The following GALNT13 variants were observed in gnomAD, a reference collection of about 807,000 sequenced individuals.
GALNT13 encodes polypeptide N-acetylgalactosaminyltransferase 13, also known as UDP-GalNAc:polypeptide N-acetylgalactosaminyltransferase 13.
A neutral mutation model predicts 64.2 loss-of-function variants in GALNT13; 28 were observed. The observed-to-expected ratio is 0.44, with a 90% CI of 0.32 to 0.60. The LOEUF is 0.60. GALNT13 is among the 20% of genes least tolerant of loss of function. The pLI, the probability that GALNT13 is intolerant of heterozygous loss-of-function variation, is 0.05. For synonymous variants in GALNT13, 214 were observed against 224.6 expected (o/e 0.95, Z 0.42); for missense variants, 577 against 669.8 (o/e 0.86, Z 1.53).
chr2:154,173,226 G>T (rs999439081), intron 4 of GALNT13, among the ~76,000 whole-genome samples: 2 of 151,786 alleles, frequency 1.3e-5, no homozygotes, highest in African/African-American at 4.8e-5. Context: ...ATACACTGGG[G>T]AATGAACAGT....
chr2:154,273,748 T>A (rs922609053), intron 8 of GALNT13, among the ~76,000 whole-genome samples: 2 of 152,162 alleles, frequency 1.3e-5, no homozygotes, highest in African/African-American at 2.4e-5. Flanking sequence ...TCTGTAATGT[T>A]CACATGATAA....
intron 3 of GALNT13, among the ~76,000 whole-genome samples, chr2:154,097,638 G>A (rs1219046794): frequency 6.6e-6 from 1 of 151,626 alleles, no homozygotes; most frequent in Non-Finnish European, 1.5e-5. Context: ...AAATATACAT[G>A]ATCCAATAAC....
At chr2:153,769,031 A>G in the GALNT13 span, among the ~76,000 whole-genome samples, 2 of 152,068 alleles carry the variant, frequency 1.3e-5, no homozygotes, top group African/African-American at 4.8e-5. Flanking sequence ...AAAATGGTGG[A>G]GACTTATTTT....
chr2:154,230,738 TC>T (rs1485517429), intron 4 of GALNT13, among the ~76,000 whole-genome samples: 4 of 152,060 alleles, frequency 2.6e-5, no homozygotes, highest in Non-Finnish European at 4.4e-5. Flanking sequence ...CCAGATGAGG[TC>T]CACTGAAACC....
the GALNT13 span, among the ~76,000 whole-genome samples, chr2:153,172,852 A>G: frequency 3.9e-5 from 6 of 152,186 alleles, no homozygotes; most frequent in Non-Finnish European, 5.9e-5. Flanking sequence ...GAGATGATCT[A>G]AAACAAACAT....
chr2:153,922,485 A>T (rs953807869), intron 2 of GALNT13, among the ~76,000 whole-genome samples: 19 of 152,174 alleles, frequency 1.2e-4, no homozygotes, highest in African/African-American at 4.3e-4. Flanking sequence ...TTTACAGAAA[A>T]TGTATGGACT....
the GALNT13 span, among the ~76,000 whole-genome samples, chr2:153,858,609 G>C: frequency 6.6e-6 from 1 of 151,970 alleles, no homozygotes; most frequent in Non-Finnish European, 1.5e-5. Flanking sequence ...TGTCACAATT[G>C]CTCTATTTAA....
chr2:154,331,166 G>A (rs1695146753), intron 9 of GALNT13, among the ~76,000 whole-genome samples: 1 of 151,986 alleles, frequency 6.6e-6, no homozygotes, highest in African/African-American at 2.4e-5. Flanking sequence ...TCAAGGCAGT[G>A]GCTATACATG....
chr2:153,263,623 A>G, the GALNT13 span, among the ~76,000 whole-genome samples: 1 of 152,200 alleles, frequency 6.6e-6, no homozygotes, highest in African/African-American at 2.4e-5. Flanking sequence ...AACAGAATAC[A>G]GAACTCAGAA....
chr2:154,115,487 C>G (rs985655869), intron 3 of GALNT13, among the ~76,000 whole-genome samples: 3 of 151,962 alleles, frequency 2.0e-5, no homozygotes, highest in Admixed American at 6.6e-5. Flanking sequence ...GTGGCACAAT[C>G]CCAGCTCACT....
chr2:153,292,767 G>A, the GALNT13 span, among the ~76,000 whole-genome samples: 1 of 152,018 alleles, frequency 6.6e-6, no homozygotes, highest in Non-Finnish European at 1.5e-5. Context: ...TTAGAAGGTA[G>A]TATTAACAAA....
the GALNT13 span, among the ~76,000 whole-genome samples, chr2:153,699,081 G>A: frequency 1.3e-5 from 2 of 152,112 alleles, no homozygotes; most frequent in Non-Finnish European, 2.9e-5. Flanking sequence ...AAAATTTTCC[G>A]GTCATGGAGG....
chr2:153,526,190 C>T, the GALNT13 span, among the ~76,000 whole-genome samples: 3 of 152,250 alleles, frequency 2.0e-5, no homozygotes, highest in African/African-American at 4.8e-5. Flanking sequence ...TGTAGAGCCA[C>T]AGGGCCTTGA....
At chr2:153,077,330 C>A in the GALNT13 span, among the ~76,000 whole-genome samples, 1 of 152,020 alleles carries the variant, frequency 6.6e-6, no homozygotes, top group African/African-American at 2.4e-5. Context: ...ATTTATATAT[C>A]TGTAAAAGAA....
the GALNT13 span, among the ~76,000 whole-genome samples, chr2:153,808,493 T>A: frequency 1.3e-5 from 2 of 152,136 alleles, no homozygotes; most frequent in Non-Finnish European, 2.9e-5. Flanking sequence ...ATCTCCAGGG[T>A]TCTCCCCTCG....
the GALNT13 span, among the ~76,000 whole-genome samples, chr2:153,399,522 C>G: frequency 6.6e-6 from 1 of 151,954 alleles, no homozygotes; most frequent in Non-Finnish European, 1.5e-5. Context: ...GGCAGTATGG[C>G]CATTTTCACA....
At chr2:153,369,368 G>C in the GALNT13 span, among the ~76,000 whole-genome samples, 1 of 152,000 alleles carries the variant, frequency 6.6e-6, no homozygotes, top group Non-Finnish European at 1.5e-5. Context: ...GAAACCAAAA[G>C]TTTGTTTCTT....
the GALNT13 span, among the ~76,000 whole-genome samples, chr2:153,231,126 C>G: frequency 6.6e-6 from 1 of 152,104 alleles, no homozygotes; most frequent in Admixed American, 6.6e-5. Flanking sequence ...AGCTTTTTCA[C>G]CTCTAGCTAA....
Position 153,899,931 on chromosome 2 carries a change from A to T in GALNT13, c.-176-1005A>T, listed in dbSNP as rs867525801. ...GAGATATATACATATATATATATAT[A>T]TATATTTTTTTTTTTTTTTTTTGAG... is the stretch of plus-strand genomic sequence containing the variant. On this transcript the variant is annotated intron_variant, in intron 1 of 12. Transcript: ENST00000392825. Among the ~76,000 whole-genome samples the T allele has an allele frequency of 1.3e-3, 135 of 102,530 alleles. 1 individual carries two copies. Among genetic ancestry groups the T allele is most frequent in the Middle Eastern group, 5.4e-3 (1 of 186 alleles). The allele number at this position is 102,530 out of a possible 152,430, so 67.3% of individuals were successfully genotyped here.
Sources: gnomAD v4.1 joint callset for allele counts (sites outside exome capture counted in the v4.1 genomes callset) on GRCh38, gnomAD v4.1.1 for gene constraint, MANE v1.5 for transcripts, NCBI Gene and HGNC (gene_info 2026-07-23, HGNC 2026-07-21) for gene names.